The following CHAMP1 variants were observed in gnomAD, a reference collection of about 807,000 sequenced individuals.
CHAMP1 encodes the protein chromosome alignment-maintaining phosphoprotein 1.
A neutral mutation model predicts 54.5 loss-of-function variants in CHAMP1; 4 were observed. The ratio of observed to expected loss-of-function variants is 0.07; its 90% CI spans 0.04 to 0.17. The LOEUF (loss-of-function observed/expected upper bound fraction) is 0.17. Ranked by LOEUF, CHAMP1 falls within the 10% of genes least tolerant of loss-of-function variation. CHAMP1 has a pLI of 1.00. For missense variants in CHAMP1, 994 were observed against 968.6 expected (o/e 1.03, Z -0.35); for synonymous variants, 368 against 342.2 (o/e 1.08, Z -0.83).
intron 1 of CHAMP1, among the ~76,000 whole-genome samples, chr13:114,318,137 G>C (rs1014636093): frequency 2.6e-5 from 4 of 152,132 alleles, no homozygotes; most frequent in African/African-American, 9.7e-5. Flanking sequence ...ACAGCATTTT[G>C]TTACAGCAGA....
intron 2 of CHAMP1, chr13:114,323,300 A>T (rs781784607): frequency 6.6e-6 from 1 of 152,350 alleles, no homozygotes; most frequent in Non-Finnish European, 1.5e-5. Flanking sequence ...TCATCTTTTT[A>T]TAGCTAGATT....
At position 114,325,095 on chromosome 13, in the gene CHAMP1, A is replaced by G. The variant is rs2087227488; in HGVS notation, c.1253A>G (p.Glu418Gly). Reference sequence around the variant, plus strand: ...AAGGCAGTTCCCCCAGTGTCTCCAGAGCTTCGCAAACCCGGCCCACCACTA... The same window carrying G: ...AAGGCAGTTCCCCCAGTGTCTCCAGGGCTTCGCAAACCCGGCCCACCACTA... Reference protein sequence around the residue: ...HWKAVPPVSPELRKPGPPLSP... With the variant: ...HWKAVPPVSPGLRKPGPPLSP... Residue 418 changes from glutamate to glycine, a missense_variant, in exon 3 of 3, where the codon GAG (glutamate) becomes GGG (glycine). This residue lies in a region of CHAMP1 where 851 missense variants were observed against 701.3 expected (regional missense o/e 1.21). Coordinates refer to ENST00000361283, the MANE Select transcript of CHAMP1 (RefSeq NM_032436.4). The G allele has an allele frequency of 6.2e-7, 1 of 1,614,040 alleles. No homozygotes were observed. The highest frequency in any genetic ancestry group is 8.5e-7 in the Non-Finnish European group (1 of 1,180,012).
intron 2 of CHAMP1, chr13:114,322,010 A>G (rs2087178154): frequency 6.6e-6 from 1 of 152,056 alleles, no homozygotes; most frequent in Non-Finnish European, 1.5e-5. Context: ...ATCTTTAAAA[A>G]CAAATTATCA....
intron 1 of CHAMP1, among the ~76,000 whole-genome samples, chr13:114,316,313 G>A (rs1403504372): frequency 6.6e-6 from 1 of 151,658 alleles, no homozygotes; most frequent in Admixed American, 6.6e-5. Context: ...ACAGGCGCCT[G>A]CCACCACACC....
chr13:114,324,005 T>A lies in CHAMP1; in HGVS notation c.163T>A (p.Tyr55Asn). 1 of 1,614,226 alleles carries A rather than the reference T, an allele frequency of 6.2e-7. No individual in the cohort carries two copies. ...DAGGLGKMIF[Y>N]QKSAKLFHCH... Reference sequence around the variant, plus strand: ...TGGTGGGCTAGGCAAAATGATATTTTACCAGAAAAGTGCAAAGTTATTTCA... The same window carrying A: ...TGGTGGGCTAGGCAAAATGATATTTAACCAGAAAAGTGCAAAGTTATTTCA... Residue 55 changes from tyrosine (Y) to asparagine (N), a missense_variant, in exon 3 of 3, where the codon TAC (tyrosine) becomes AAC (asparagine). Around this residue, in one of 3 missense-constraint regions of CHAMP1, gnomAD observed 84 missense variants for 120.7 expected, o/e 0.70. Coordinates refer to ENST00000361283, the MANE Select transcript of CHAMP1 (RefSeq NM_032436.4).
At chr13:114,315,453 A>C (rs1387988825) in intron 1 of CHAMP1, among the ~76,000 whole-genome samples, 2 of 150,100 alleles carry the variant, frequency 1.3e-5, no homozygotes, top group Admixed American at 6.6e-5. Context: ...TTCAAAATCC[A>C]GATGTCTATC....
rs782498070 is a variant in CHAMP1, at chr13:114,325,877, T to C, written c.2035T>C (p.Ser679Pro). Residue 679 changes from serine (S) to proline (P), a missense_variant, in exon 3 of 3, where the codon TCT (serine) becomes CCT (proline). Transcript: ENST00000361283. Reference protein sequence around the residue: ...NKMDMTSPEQSRNVLQFTEEK... With the variant: ...NKMDMTSPEQPRNVLQFTEEK... The stretch of plus-strand genomic sequence containing the variant: ...AATGGACATGACTAGTCCAGAGCAG[T>C]CTAGAAATGTGCTACAGTTTACTGA... 7 of 1,614,114 alleles carry C rather than the reference T, an allele frequency of 4.3e-6. No individual in the cohort carries two copies. The highest frequency in any genetic ancestry group is 5.1e-6 in the Non-Finnish European group (6 of 1,180,002).
rs2087214239 is a variant in CHAMP1 at position 114,324,478 on chromosome 13, T to C, written c.636T>C (p.Pro212=). Residue 212 remains proline, a synonymous_variant, in exon 3 of 3, where the codon CCT becomes CCC. Coordinates refer to ENST00000361283, the MANE Select transcript of CHAMP1 (RefSeq NM_032436.4). ...CTCCAGAACCACAGAAACCTGCCCC[T>C]GTATCTCCTGAGTCAGTAAAGGCTA... is the stretch of plus-strand genomic sequence containing the variant. ...VPSPEPQKPA[P]VSPESVKATL... The C allele has an allele frequency of 1.2e-6, 2 of 1,614,194 alleles. No individual in the cohort carries two copies. Among genetic ancestry groups the C allele is most frequent in the Middle Eastern group, 1.6e-4 (1 of 6,062 alleles).
At chr13:114,322,859 C>T (rs2087191667) in intron 2 of CHAMP1, 1 of 152,216 alleles carries the variant, frequency 6.6e-6, no homozygotes, top group Non-Finnish European at 1.5e-5. Context: ...CTGGCTACCC[C>T]TAGGGACTGA....
rs144440153 is a variant in CHAMP1 at position 114,326,039 on chromosome 13, A to C, written c.2197A>C (p.Asn733His). ...TTTGCATCATTTGGTTAATAAGCAT[A>C]ATGTTCATAGCCCTTACAAATGCAC... Reference protein sequence around the residue: ...AVLHHLVNKHNVHSPYKCTIC... With the variant: ...AVLHHLVNKHHVHSPYKCTIC... Residue 733 changes from asparagine (N) to histidine (H), a missense_variant, in exon 3 of 3, where the codon AAT becomes CAT. Physicochemically the swap from Asn to His is moderately conservative, Grantham distance 68 (BLOSUM62 1). Around this residue, in one of 3 missense-constraint regions of CHAMP1, gnomAD observed 59 missense variants for 146.7 expected, o/e 0.40. Transcript: ENST00000361283. The C allele has an allele frequency of 9.3e-6, 15 of 1,613,966 alleles. No homozygotes were observed. The highest frequency in any genetic ancestry group is 1.7e-6 in the Non-Finnish European group (2 of 1,180,002).
At chr13:114,319,646 A>G (rs1192418054) in intron 1 of CHAMP1, among the ~76,000 whole-genome samples, 2 of 152,224 alleles carry the variant, frequency 1.3e-5, no homozygotes, top group African/African-American at 4.8e-5. Context: ...TGGAGGGCAG[A>G]TGTTTCATAT....
At chr13:114,322,122 C>T (rs1259940947) in intron 2 of CHAMP1, 1 of 149,574 alleles carries the variant, frequency 6.7e-6, no homozygotes, top group Non-Finnish European at 1.5e-5. Flanking sequence ...CTCTCTGCAA[C>T]CTCCGACTTC....
At chr13:114,318,590 C>G (rs2087128945) in intron 1 of CHAMP1, among the ~76,000 whole-genome samples, 1 of 152,050 alleles carries the variant, frequency 6.6e-6, no homozygotes, top group Admixed American at 6.6e-5. Context: ...TTCCAGAGTG[C>G]TGGGATTACA....
chr13:114,319,075 G>T (rs1230035685), intron 1 of CHAMP1, among the ~76,000 whole-genome samples: 1 of 151,768 alleles, frequency 6.6e-6, no homozygotes, highest in African/African-American at 2.4e-5. Flanking sequence ...TTGGACTATT[G>T]TACAGGCTTT....
Position 114,326,537 on chromosome 13 carries a change from A to C in CHAMP1, c.*256A>C, listed in dbSNP as rs2087254268. The C allele has an allele frequency of 3.0e-6, 1 of 338,572 alleles. No individual in the cohort carries two copies. The allele number at this position is 338,572 out of a possible 1,614,324, so 21.0% of individuals were successfully genotyped here. A position where few individuals can be genotyped will look rare whatever the true frequency, so the allele number is the denominator to read the frequency against. On this transcript the variant is annotated 3_prime_UTR_variant, in exon 3 of 3. Coordinates refer to ENST00000361283, the MANE Select transcript of CHAMP1 (RefSeq NM_032436.4). ...TCTCATTTCTTTTAAATATGTATGAATAATAATACAAGGAAGTAGGCATTC... is the reference window on the plus strand; with the variant it reads ...TCTCATTTCTTTTAAATATGTATGACTAATAATACAAGGAAGTAGGCATTC...
In CHAMP1 at chr13:114,321,674, TTTTA is replaced by T. The variant is rs1395474978; in HGVS notation, c.-56+447_-56+450del. Among the ~76,000 whole-genome samples, 3 of 152,380 alleles carry T rather than the reference TTTTA, an allele frequency of 2.0e-5. No homozygotes were observed. The East Asian group carries it at 5.8e-4, about 29-fold the overall frequency. On this transcript the variant is annotated intron_variant, in intron 2 of 2. Coordinates refer to ENST00000361283, the MANE Select transcript of CHAMP1 (RefSeq NM_032436.4). ...TACGTTTTCCCCTAAAGTCTTCTAG[TTTTA>T]TTTAACAATGGGCTCTGAGACGGAT...
rs561225625 is a variant in CHAMP1, at chr13:114,327,294, C to T, written c.*1013C>T. 11 of 156,470 alleles carry T rather than the reference C, an allele frequency of 7.0e-5. No homozygotes were observed. The East Asian group carries it at 2.1e-3, about 30-fold the overall frequency. 9.7% of individuals were successfully genotyped at this position (156,470 alleles called of 1,614,324 possible). On this transcript the variant is annotated 3_prime_UTR_variant, in exon 3 of 3. Coordinates refer to ENST00000361283, the MANE Select transcript of CHAMP1 (RefSeq NM_032436.4). ...AAATATTTTGTCAAATGTGTATCAA[C>T]CAAATTAAAAAGAAAGGTTTTCATG...
chr13:114,314,889 C>G (rs544396250), intron 1 of CHAMP1, among the ~76,000 whole-genome samples: 1 of 152,282 alleles, frequency 6.6e-6, no homozygotes, highest in African/African-American at 2.4e-5. Flanking sequence ...GGAAACATTG[C>G]GTTTGAAACC....
Position 114,324,851 on chromosome 13 carries a change from G to A in CHAMP1, c.1009G>A (p.Ala337Thr). 6.2e-7 allele frequency: 1 copy of A among 1,614,152 alleles called. No homozygotes were observed. Among genetic ancestry groups the A allele is most frequent in the African/African-American group, 1.3e-5 (1 of 75,028 alleles). ...PSASSGPWKP[A>T]KPAPSVSPGP... ...AGCATCATCAGGACCTTGGAAGCCA[G>A]CTAAACCTGCTCCATCTGTGTCTCC... Residue 337 changes from alanine (A) to threonine (T), a missense_variant, in exon 3 of 3, where the codon GCT becomes ACT. By Grantham distance (58) the Ala-to-Thr change is moderately conservative. This residue lies in a region of CHAMP1 where 851 missense variants were observed against 701.3 expected (regional missense o/e 1.21). Coordinates refer to ENST00000361283, the MANE Select transcript of CHAMP1 (RefSeq NM_032436.4).
Sources: gnomAD v4.1 joint callset for allele counts (sites outside exome capture counted in the v4.1 genomes callset) on GRCh38, gnomAD v4.1.1 for gene constraint, gnomAD v4.1.1 regional missense constraint, MANE v1.5 for transcripts, NCBI Gene and HGNC (gene_info 2026-07-23, HGNC 2026-07-21) for gene names.